FGF13: variants seen among roughly 807,000 people sequenced by gnomAD.
FGF13 encodes the protein fibroblast growth factor homologous factor 2.
Under a neutral mutation model 19.5 loss-of-function variants are expected in FGF13, and 2 were observed. That is an observed-to-expected ratio of 0.10 (90% CI 0.04 to 0.32). The LOEUF (loss-of-function observed/expected upper bound fraction) is 0.32, where lower values mean the gene tolerates loss of function less well. FGF13 is among the 10% of genes least tolerant of loss of function. The probability of loss-of-function intolerance (pLI) is 1.00; values close to 1 mark genes in which losing one functional copy is unlikely to be tolerated. For missense variants in FGF13, 113 were observed against 192.7 expected (o/e 0.59, Z 2.45); for synonymous variants, 72 against 76.9 (o/e 0.94, Z 0.33).
At chrX:139,096,340 G>C (rs889786644) in intron 1 of FGF13, among the ~76,000 whole-genome samples, 2 of 111,921 alleles carry the variant, frequency 1.8e-5, no homozygotes, top group African/African-American at 6.5e-5. Context: ...GATGAGCCTT[G>C]AGAAGCAATG....
intron 1 of FGF13, among the ~76,000 whole-genome samples, chrX:138,932,480 G>A (rs1258279181): frequency 9.8e-6 from 1 of 102,384 alleles, no homozygotes; most frequent in African/African-American, 3.5e-5. Flanking sequence ...TCTGGAGGCT[G>A]AGGTGGCAGA....
upstream of FGF13, chrX:139,204,109 G>A: frequency 1.7e-6 from 2 of 1,210,019 alleles, no homozygotes; most frequent in Non-Finnish European, 2.2e-6. Flanking sequence ...TCCACTCATA[G>A]ATCCCAGCTT....
chrX:138,917,359 T>G (rs775540987), intron 1 of FGF13, among the ~76,000 whole-genome samples: 3 of 112,134 alleles, frequency 2.7e-5, no homozygotes, highest in African/African-American at 9.7e-5. Context: ...TATCCTCTAT[T>G]CACCATGTGA....
At chrX:139,131,443 T>C (rs1262739598) in intron 1 of FGF13, among the ~76,000 whole-genome samples, 2 of 107,906 alleles carry the variant, frequency 1.9e-5, no homozygotes, top group African/African-American at 6.8e-5. Flanking sequence ...AAATTTACAG[T>C]AGGCAGTCAA....
intron 3 of FGF13, among the ~76,000 whole-genome samples, chrX:138,662,105 C>T (rs763081185): frequency 8.9e-6 from 1 of 111,776 alleles, no homozygotes; most frequent in East Asian, 2.8e-4. Context: ...TCATCCAAGT[C>T]TATGTGAGAA....
chrX:139,152,860 C>G (rs769395873), intron 1 of FGF13, among the ~76,000 whole-genome samples: 2 of 110,828 alleles, frequency 1.8e-5, no homozygotes, highest in East Asian at 5.8e-4. Context: ...TTGTACTGCT[C>G]CTTTACTGGG....
At chrX:138,866,741 G>C (rs758144824) in intron 1 of FGF13, among the ~76,000 whole-genome samples, 3 of 111,906 alleles carry the variant, frequency 2.7e-5, no homozygotes, top group African/African-American at 9.7e-5. Context: ...AGACTTGCAG[G>C]ACTGCTAACT....
intron 3 of FGF13, among the ~76,000 whole-genome samples, chrX:138,821,481 A>G (rs1286223444): frequency 1.8e-5 from 2 of 112,012 alleles, no homozygotes; most frequent in Non-Finnish European, 3.8e-5. Flanking sequence ...AATATTTCTG[A>G]TGAGTAGTTA....
chrX:138,701,111 G>A (rs778895184), intron 3 of FGF13, among the ~76,000 whole-genome samples: 3 of 112,139 alleles, frequency 2.7e-5, no homozygotes, highest in Non-Finnish European at 5.6e-5. Flanking sequence ...TTCTTCAATT[G>A]TGATGTTGCA....
chrX:138,673,903 G>A (rs1464428539), intron 3 of FGF13, among the ~76,000 whole-genome samples: 1 of 111,387 alleles, frequency 9.0e-6, no homozygotes, highest in Non-Finnish European at 1.9e-5. Flanking sequence ...CTAGAAGTGG[G>A]TGAGTAGATA....
intron 1 of FGF13, among the ~76,000 whole-genome samples, chrX:139,129,180 C>CAT (rs796675223): frequency 0.033 from 3,409 of 104,696 alleles, 79 homozygotes; most frequent in East Asian, 0.12. Flanking sequence ...CACACACACA[C>CAT]ATGTGTGTGT....
intron 1 of FGF13, among the ~76,000 whole-genome samples, chrX:139,076,576 C>T (rs928400275): frequency 8.9e-6 from 1 of 111,914 alleles, no homozygotes; most frequent in Non-Finnish European, 1.9e-5. Context: ...GATATTTTCT[C>T]TTCTGTCATT....
chrX:138,723,183 A>G (rs1190680857), intron 1 of FGF13, among the ~76,000 whole-genome samples: 2 of 111,642 alleles, frequency 1.8e-5, no homozygotes, highest in African/African-American at 6.5e-5. Context: ...TTTATGAATG[A>G]TTTCAGACCC....
chrX:139,021,049 T>C (rs1286925150), intron 1 of FGF13, among the ~76,000 whole-genome samples: 1 of 111,121 alleles, frequency 9.0e-6, no homozygotes, highest in African/African-American at 3.3e-5. Flanking sequence ...CACTTCCTTT[T>C]TAGTACAAGT....
At chrX:138,729,490 TC>T (rs1051912583) in intron 1 of FGF13, among the ~76,000 whole-genome samples, 7 of 108,911 alleles carry the variant, frequency 6.4e-5, no homozygotes, top group African/African-American at 2.3e-4. Flanking sequence ...AAGAAAACAG[TC>T]AAAAAAAATT....
chrX:138,845,310 G>T (rs1288360324), intron 3 of FGF13, among the ~76,000 whole-genome samples: 3 of 111,388 alleles, frequency 2.7e-5, no homozygotes, highest in African/African-American at 9.8e-5. Context: ...TGCCTGGCTT[G>T]TGCAAGACAC....
chrX:138,682,451 G>T (rs982457324), intron 3 of FGF13, among the ~76,000 whole-genome samples: 20 of 110,535 alleles, frequency 1.8e-4, no homozygotes, highest in Middle Eastern at 4.7e-3. Context: ...ATATCAGAGG[G>T]GTGTGTGTGT....
intron 1 of FGF13, among the ~76,000 whole-genome samples, chrX:138,996,384 C>A (rs1209350115): frequency 1.8e-5 from 2 of 112,922 alleles, no homozygotes; most frequent in Non-Finnish European, 3.7e-5. Flanking sequence ...CCCTCCAGTG[C>A]CTGGCTCGGC....
At chrX:138,913,182 CTTTTTTTTTTTTT>C (rs35078012) in intron 1 of FGF13, among the ~76,000 whole-genome samples, 1 of 37,094 alleles carries the variant, frequency 2.7e-5, no homozygotes, top group Non-Finnish European at 4.2e-5. Context: ...AAAGCATCTA[CTTTTTTTTTTTTT>C]TTTTTTTTTT....
Sources: gnomAD v4.1 joint callset for allele counts (sites outside exome capture counted in the v4.1 genomes callset) on GRCh38, gnomAD v4.1.1 for gene constraint, MANE v1.5 for transcripts, NCBI Gene and HGNC (gene_info 2026-07-23, HGNC 2026-07-21) for gene names.